Variants in ATP2B3 observed in about 807,000 individuals in gnomAD.
The protein encoded by ATP2B3 is ATPase plasma membrane Ca2+ transporting 3.
Under a neutral mutation model 70.8 loss-of-function variants are expected in ATP2B3, and 12 were observed. The ratio of observed to expected loss-of-function variants is 0.17; its 90% CI spans 0.11 to 0.27. ATP2B3 has a LOEUF of 0.27. Ranked by LOEUF, ATP2B3 falls within the 10% of genes least tolerant of loss-of-function variation. ATP2B3 has a pLI of 1.00. For synonymous variants in ATP2B3, 460 were observed against 497.8 expected (o/e 0.92, Z 1.01); for missense variants, 858 against 1,118.5 (o/e 0.77, Z 3.32).
chrX:153,567,360 C>A (rs1369286352), intron 21 of ATP2B3, among the ~76,000 whole-genome samples: 3 of 113,474 alleles, frequency 2.6e-5, no homozygotes, highest in Admixed American at 1.8e-4. Context: ...CGAGACCATG[C>A]CTATGGGCCC....
At chrX:153,542,035 G>A in intron 5 of ATP2B3, 109 bp downstream of exon 5, 2 of 841,369 alleles carry the variant, frequency 2.4e-6, no homozygotes, top group South Asian at 2.7e-5. Context: ...TGGCCTGCGT[G>A]TCGTCACCTG....
intron 9 of ATP2B3, 122 bp downstream of exon 9, chrX:153,548,121 G>T: frequency 1.0e-6 from 1 of 975,645 alleles, no homozygotes; most frequent in Non-Finnish European, 1.4e-6. Context: ...TGATGTGTGG[G>T]CCAGGCAGGC....
chrX:153,558,402 T>G (rs1355152117), intron 17 of ATP2B3, 99 bp downstream of exon 17: 1 of 881,854 alleles, frequency 1.1e-6, no homozygotes, highest in Non-Finnish European at 1.6e-6. Flanking sequence ...TGCTGCAGAT[T>G]ATTTTAATTG....
Position 153,558,177 on chromosome X carries a change from C to T in ATP2B3, c.2499C>T (p.Thr833=). The change falls in exon 17 of 22, where the codon ACC becomes ACT. Residue 833 remains threonine (T), a synonymous_variant. Transcript: ENST00000263519. Reference sequence around the variant, plus strand: ...TCATCCTGACCGATGACAACTTCACCAGCATCGTCAAGGCAGTCATGTGGG... The same window carrying T: ...TCATCCTGACCGATGACAACTTCACTAGCATCGTCAAGGCAGTCATGTGGG... ...SDIILTDDNF[T]SIVKAVMWGR... The T allele has an allele frequency of 7.4e-6, 9 of 1,211,719 alleles. No homozygotes were observed. The highest frequency in any genetic ancestry group is 1.8e-5 in the South Asian group (1 of 56,955).
At chrX:153,535,544 C>T (rs3813461) in intron 2 of ATP2B3, among the ~76,000 whole-genome samples, 63,699 of 106,411 alleles carry the variant, frequency 0.6, 17,124 homozygotes, top group Non-Finnish European at 0.79. Context: ...ACCCTTCCTC[C>T]GGGCCTCCTC....
At chrX:153,567,645 G>A (rs782689540) in intron 21 of ATP2B3, among the ~76,000 whole-genome samples, 1 of 112,847 alleles carries the variant, frequency 8.9e-6, no homozygotes, top group South Asian at 3.7e-4. Context: ...AGCCTGGCTA[G>A]TAGAAGCGAG....
In ATP2B3 at chrX:153,547,887, G is replaced by A. The variant is rs142541769; in HGVS notation, c.1011G>A (p.Ala337=). The part of the protein sequence containing the change: ...VAMEMQPLKS[A]EGGEMEEREK... ...TGGAGATGCAGCCCCTGAAGAGCGC[G>A]GAGGGTGGGGAGATGGAGGAGCGGG... The change falls in exon 9 of 22, where the codon GCG becomes GCA. Residue 337 remains alanine (A), a synonymous_variant. Coordinates refer to ENST00000263519, the MANE Select transcript of ATP2B3 (RefSeq NM_001001344.3). 1,099 of 1,209,377 alleles carry A rather than the reference G, an allele frequency of 9.1e-4. 1 individual carries two copies. The highest frequency in any genetic ancestry group is 1.2e-3 in the Non-Finnish European group (1,064 of 894,652).
At position 153,581,210 on chromosome X, in the gene ATP2B3, G is replaced by A. The variant is rs2090919628; in HGVS notation, c.*912G>A. On this transcript the variant is annotated 3_prime_UTR_variant, in exon 22 of 22. Coordinates refer to ENST00000263519, the MANE Select transcript of ATP2B3 (RefSeq NM_001001344.3). The stretch of plus-strand genomic sequence containing the variant: ...TGCCCGGCCCTACTGAGATTCCCAA[G>A]GAGAAGGCCGAGAGGGGGCGCTCCA... 9.1e-6 allele frequency: 1 copy of A among 110,173 alleles called. No homozygotes were observed. 9.1% of individuals were successfully genotyped at this position (110,173 alleles called of 1,213,427 possible).
intron 18 of ATP2B3, 105 bp from the exon 19 acceptor site, chrX:153,560,570 CT>C (rs2090609509): frequency 1.1e-6 from 1 of 927,686 alleles, no homozygotes; most frequent in Non-Finnish European, 1.5e-6. Flanking sequence ...TGGCCATCCC[CT>C]GGGACAAGGG....
chrX:153,542,596 C>A (rs891042846), intron 6 of ATP2B3, 148 bp downstream of exon 6: 1 of 862,380 alleles, frequency 1.2e-6, no homozygotes, highest in Non-Finnish European at 1.6e-6. Flanking sequence ...CTGAAGACTC[C>A]GCCCGTCTTG....
chrX:153,538,526 G>A (rs370649254), intron 3 of ATP2B3, among the ~76,000 whole-genome samples: 11 of 113,030 alleles, frequency 9.7e-5, no homozygotes, highest in Non-Finnish European at 2.1e-4. Context: ...GGGTTCGCCC[G>A]GGAACCTGGC....
intron 7 of ATP2B3, among the ~76,000 whole-genome samples, chrX:153,545,814 A>T (rs2090356892): frequency 8.9e-6 from 1 of 111,768 alleles, no homozygotes; most frequent in African/African-American, 3.3e-5. Flanking sequence ...ACTGCCAGCC[A>T]TGTGTGACCC....
intron 3 of ATP2B3, among the ~76,000 whole-genome samples, chrX:153,536,770 G>A (rs1465533453): frequency 1.8e-5 from 2 of 112,628 alleles, no homozygotes; most frequent in Admixed American, 1.9e-4. Flanking sequence ...GGGCAGGGCA[G>A]GGAGGAGGAA....
Position 153,557,004 on chromosome X carries a change from C to T in ATP2B3, c.2414C>T (p.Ala805Val), listed in dbSNP as rs1057522147. 1.7e-6 allele frequency: 2 copies of T among 1,185,847 alleles called. No individual in the cohort carries two copies. Among genetic ancestry groups the T allele is most frequent in the Non-Finnish European group, 2.3e-6 (2 of 882,135 alleles). ...GTNDGPALKK[A>V]DVGFAMGIAG... ...AACGATGGGCCGGCCCTCAAGAAGG[C>T]GGACGTGGGCTTCGCCATGGTAAGC... The change falls in exon 16 of 22, where the codon GCG becomes GTG. Residue 805 changes from alanine to valine, a missense_variant. By Grantham distance (64) the Ala-to-Val change is moderately conservative (BLOSUM62 0). Transcript: ENST00000263519.
chrX:153,556,541 C>G (rs974063004), intron 15 of ATP2B3, 123 bp downstream of exon 15: 11 of 743,529 alleles, frequency 1.5e-5, no homozygotes, highest in Non-Finnish European at 2.0e-5. Context: ...GTCCATTTGT[C>G]CCATTAGCCC....
rs782074588 is a variant in ATP2B3 at position 153,558,087 on chromosome X, G to A, written c.2434-25G>A. 4.2e-6 allele frequency: 5 copies of A among 1,194,587 alleles called. No individual in the cohort carries two copies. In the Admixed American group the frequency reaches 1.1e-4, roughly 27 times the overall value. On this transcript the variant is annotated intron_variant, in intron 16 of 21. Transcript: ENST00000263519. Reference sequence around the variant, plus strand: ...GAAGGGGCCCCCACAAACACTCTGTGTGAGTGTGTGTGTCACCCCCCCAGG... The same window carrying A: ...GAAGGGGCCCCCACAAACACTCTGTATGAGTGTGTGTGTCACCCCCCCAGG...
rs989140398 is a variant in ATP2B3, at chrX:153,581,219, C to T, written c.*921C>T. 9.1e-6 allele frequency: 1 copy of T among 110,368 alleles called. No individual in the cohort carries two copies. The highest frequency in any genetic ancestry group is 9.6e-5 in the Admixed American group (1 of 10,419). The allele number at this position is 110,368 out of a possible 1,213,427, so 9.1% of individuals were successfully genotyped here. A position where few individuals can be genotyped will look rare whatever the true frequency, so the allele number is the denominator to read the frequency against. The stretch of plus-strand genomic sequence containing the variant: ...CTACTGAGATTCCCAAGGAGAAGGC[C>T]GAGAGGGGGCGCTCCAGGTCTGGAG... On this transcript the variant is annotated 3_prime_UTR_variant, in exon 22 of 22. Transcript: ENST00000263519.
chrX:153,565,184 G>T, intron 21 of ATP2B3, 81 bp downstream of exon 21: 2 of 1,068,088 alleles, frequency 1.9e-6, no homozygotes, highest in Non-Finnish European at 2.5e-6. Flanking sequence ...CCGAGAGCCG[G>T]CCGTCTGCAC....
At chrX:153,537,053 C>G (rs1557004500) in intron 3 of ATP2B3, among the ~76,000 whole-genome samples, 1 of 112,654 alleles carries the variant, frequency 8.9e-6, no homozygotes, top group Non-Finnish European at 1.9e-5. Flanking sequence ...AGGCACAAGC[C>G]CAGGGTAGTG....
Sources: allele counts gnomAD v4.1 joint callset (sites outside exome capture counted in the v4.1 genomes callset), GRCh38; gene constraint gnomAD v4.1.1; transcripts MANE v1.5; gene names NCBI Gene and HGNC (gene_info 2026-07-23, HGNC 2026-07-21).